KAZN: variants seen among roughly 807,000 people sequenced by gnomAD.
KAZN encodes kazrin, periplakin interacting protein.
Under a neutral mutation model 87.4 loss-of-function variants are expected in KAZN, and 40 were observed. The observed-to-expected ratio is 0.46, with a 90% CI of 0.36 to 0.60. The LOEUF (loss-of-function observed/expected upper bound fraction) is 0.60. KAZN is among the 20% of genes least tolerant of loss of function. KAZN has a pLI of 0.00. For missense variants in KAZN, 898 were observed against 1,073.9 expected, an observed-to-expected ratio of 0.84 and a Z score of 2.29; for synonymous variants, 466 against 458.3, an observed-to-expected ratio of 1.02 and a Z score of -0.22.
chr1:14,970,378 C>T (rs550115013), intron 2 of KAZN, among the ~76,000 whole-genome samples: 4 of 152,292 alleles, frequency 2.6e-5, no homozygotes, highest in African/African-American at 2.4e-5. Flanking sequence ...TTGGCAACCC[C>T]GTGACTCACA....
chr1:14,848,724 G>A lies in KAZN; in HGVS notation c.227-111960G>A, dbSNP rs564102365. ...CGCTCTCCCCGTGAGTGATTAAAACGTCGCCATCCATCCCCCATGCTATAC... is the reference window on the plus strand; with the variant it reads ...CGCTCTCCCCGTGAGTGATTAAAACATCGCCATCCATCCCCCATGCTATAC... On this transcript the variant is annotated intron_variant, in intron 1 of 14. Coordinates refer to ENST00000376030, the MANE Select transcript of KAZN (RefSeq NM_201628.3). 4.6e-5 allele frequency among the ~76,000 whole-genome samples: 7 copies of A among 152,262 alleles called. No homozygotes were observed. In the South Asian group the frequency reaches 1.2e-3, roughly 27 times the overall value.
chr1:14,847,226 T>A (rs1648888297), intron 1 of KAZN, among the ~76,000 whole-genome samples: 1 of 152,184 alleles, frequency 6.6e-6, no homozygotes, highest in South Asian at 2.1e-4. Context: ...CTCATAGACA[T>A]CACAGTGCCA....
At chr1:14,906,157 C>A (rs1359534373) in intron 1 of KAZN, among the ~76,000 whole-genome samples, 1 of 149,668 alleles carries the variant, frequency 6.7e-6, no homozygotes, top group African/African-American at 2.5e-5. Flanking sequence ...CAGATCGAGA[C>A]TCCATCTCAA....
At chr1:13,961,439 T>C (rs191476946) in intron 1 of KAZN, among the ~76,000 whole-genome samples, 15 of 151,204 alleles carry the variant, frequency 9.9e-5, no homozygotes, top group Admixed American at 9.9e-4. Flanking sequence ...GGGTCAGGAG[T>C]GGAGTGGTGG....
chr1:14,903,092 C>G (rs575546480), intron 1 of KAZN, among the ~76,000 whole-genome samples: 1 of 152,172 alleles, frequency 6.6e-6, no homozygotes, highest in South Asian at 2.1e-4. Flanking sequence ...TGGTCTCAAA[C>G]TCCTGACCTC....
At chr1:14,183,494 T>A (rs1285543166) in intron 2 of KAZN, among the ~76,000 whole-genome samples, 5 of 152,132 alleles carry the variant, frequency 3.3e-5, no homozygotes, top group Non-Finnish European at 7.4e-5. Context: ...GCCATTCAGA[T>A]CGCATTTGAA....
At chr1:14,367,093 G>A (rs1392405294) in intron 2 of KAZN, among the ~76,000 whole-genome samples, 1 of 152,184 alleles carries the variant, frequency 6.6e-6, no homozygotes, top group Non-Finnish European at 1.5e-5. Context: ...GCGAGGCGTG[G>A]TGGCACGCGC....
intron 1 of KAZN, among the ~76,000 whole-genome samples, chr1:14,933,318 C>T (rs1373884655): frequency 1.3e-5 from 2 of 152,122 alleles, no homozygotes; most frequent in Non-Finnish European, 2.9e-5. Flanking sequence ...CTCTCGAACT[C>T]CTGACCTCAG....
At chr1:15,040,374 G>C (rs1484438173) in intron 3 of KAZN, among the ~76,000 whole-genome samples, 1 of 152,228 alleles carries the variant, frequency 6.6e-6, no homozygotes, top group African/African-American at 2.4e-5. Flanking sequence ...CTCCACTGGA[G>C]CAGGCAGCAG....
At chr1:14,779,641 T>C (rs1018214122) in intron 1 of KAZN, among the ~76,000 whole-genome samples, 1 of 152,258 alleles carries the variant, frequency 6.6e-6, no homozygotes, top group Non-Finnish European at 1.5e-5. Context: ...GATTATCTGC[T>C]GTGCACTTTG....
In KAZN at chr1:14,475,782, T is replaced by C. The variant is rs533626423; in HGVS notation, c.250-123201T>C. ...TGGAAGAAGCTCATTTCACTGTCAA[T>C]GATGTGAGGCAAAGGAAAGCCCAAT... On this transcript the variant is annotated intron_variant, in intron 2 of 16. Coordinates refer to the KAZN transcript ENST00000636203. Among the ~76,000 whole-genome samples the C allele has an allele frequency of 3.9e-5, 6 of 152,310 alleles. No individual in the cohort carries two copies. The South Asian group carries it at 1.2e-3, about 32-fold the overall frequency.
At chr1:14,170,988 G>T (rs1416632) in intron 1 of KAZN, among the ~76,000 whole-genome samples, 18,721 of 152,094 alleles carry the variant, frequency 0.12, 1,277 homozygotes, top group East Asian at 0.33. Flanking sequence ...CTGGGATTAC[G>T]GGTGTGAGCC....
chr1:14,389,979 T>C (rs80179203), intron 2 of KAZN, among the ~76,000 whole-genome samples: 7,900 of 152,166 alleles, frequency 0.052, 263 homozygotes, highest in Non-Finnish European at 0.078. Flanking sequence ...CCCATAAATA[T>C]ACACACCTAC....
intron 2 of KAZN, among the ~76,000 whole-genome samples, chr1:14,199,225 G>C (rs1314952856): frequency 6.6e-6 from 1 of 152,118 alleles, no homozygotes; most frequent in Admixed American, 6.5e-5. Flanking sequence ...CTAATAGCCT[G>C]CTGAAAGTGA....
At chr1:14,547,907 C>T (rs1275142927) in intron 2 of KAZN, among the ~76,000 whole-genome samples, 1 of 151,922 alleles carries the variant, frequency 6.6e-6, no homozygotes, top group African/African-American at 2.4e-5. Context: ...AAGGACAATC[C>T]ATGCAACCAC....
intron 2 of KAZN, among the ~76,000 whole-genome samples, chr1:14,326,721 C>T (rs557462916): frequency 2.0e-5 from 3 of 152,270 alleles, no homozygotes; most frequent in Non-Finnish European, 4.4e-5. Context: ...CTGAATGTCC[C>T]TTAATCTTGG....
chr1:14,984,600 T>C lies in KAZN; in HGVS notation c.418+23725T>C, dbSNP rs117997788. Among the ~76,000 whole-genome samples the C allele has an allele frequency of 3.5e-4, 54 of 152,252 alleles. 1 individual carries two copies. The East Asian group carries it at 9.1e-3, about 26-fold the overall frequency. On this transcript the variant is annotated intron_variant, in intron 2 of 14. Transcript: ENST00000376030. Reference sequence around the variant, plus strand: ...AGCCATGTCCCCCTGTAGCAATGCATGTATCTAGTGCCCACATCTCTCTAT... The same window carrying C: ...AGCCATGTCCCCCTGTAGCAATGCACGTATCTAGTGCCCACATCTCTCTAT...
chr1:13,968,323 TG>T (rs1320679105), intron 1 of KAZN, among the ~76,000 whole-genome samples: 1 of 152,140 alleles, frequency 6.6e-6, no homozygotes, highest in Non-Finnish European at 1.5e-5. Flanking sequence ...TTTCCTGATG[TG>T]GGGGACAGAC....
At chr1:14,829,306 T>G (rs941595569) in intron 1 of KAZN, among the ~76,000 whole-genome samples, 1 of 152,164 alleles carries the variant, frequency 6.6e-6, no homozygotes, top group Admixed American at 6.5e-5. Flanking sequence ...TATGAGAAAT[T>G]GTGCTAGGAT....
Sources: gnomAD v4.1 joint callset for allele counts (sites outside exome capture counted in the v4.1 genomes callset) on GRCh38, gnomAD v4.1.1 for gene constraint, MANE v1.5 for transcripts, NCBI Gene and HGNC (gene_info 2026-07-23, HGNC 2026-07-21) for gene names.